Variants in MYO7B observed in about 807,000 individuals in gnomAD.
MYO7B encodes unconventional myosin-VIIb.
Under a neutral mutation model 259.7 loss-of-function variants are expected in MYO7B, and 212 were observed. The ratio of observed to expected loss-of-function variants is 0.82; its 90% confidence interval spans 0.73 to 0.91. The LOEUF (loss-of-function observed/expected upper bound fraction) is 0.91, where lower values mean the gene tolerates loss of function less well. MYO7B is among the 40% of genes least tolerant of loss of function. The probability of loss-of-function intolerance (pLI) is 0.00; values close to 1 mark genes in which losing one functional copy is unlikely to be tolerated. For missense variants in MYO7B, 2,732 were observed against 2,813.5 expected, an observed-to-expected ratio of 0.97 and a Z score of 0.66; for synonymous variants, 1,197 against 1,166.4, an observed-to-expected ratio of 1.03 and a Z score of -0.54.
At chr2:127,632,003 C>T (rs11904341) in intron 38 of MYO7B, among the ~76,000 whole-genome samples, 34,467 of 152,242 alleles carry the variant, frequency 0.23, 4,985 homozygotes, top group African/African-American at 0.41. Flanking sequence ...CATGACCTCT[C>T]TGAGCTTCAG....
At chr2:127,592,458 G>T (rs1425997229) in intron 16 of MYO7B, among the ~76,000 whole-genome samples, 1 of 152,188 alleles carries the variant, frequency 6.6e-6, no homozygotes, top group South Asian at 2.1e-4. Flanking sequence ...CTGGGCATGT[G>T]CAGAGGACGT....
chr2:127,605,990 C>A, intron 20 of MYO7B, 62 bp downstream of exon 20: 2 of 1,388,926 alleles, frequency 1.4e-6, no homozygotes, highest in Non-Finnish European at 2.0e-6. Flanking sequence ...CAGTAAAAGA[C>A]AGATTTGTAA....
At chr2:127,593,052 G>T in intron 17 of MYO7B, 106 bp downstream of exon 17, 2 of 1,410,462 alleles carry the variant, frequency 1.4e-6, no homozygotes, top group Non-Finnish European at 9.6e-7. Context: ...GCCCTCCCCG[G>T]CCCCAGCCTT....
chr2:127,622,865 G>A (rs1680907386), intron 28 of MYO7B, among the ~76,000 whole-genome samples: 1 of 152,206 alleles, frequency 6.6e-6, no homozygotes, highest in Admixed American at 6.5e-5. Context: ...CTTCTGTGAG[G>A]TGAAGTCACT....
chr2:127,581,873 C>T lies in MYO7B; in HGVS notation c.1081-18C>T, dbSNP rs1207549784. ...CCCTGCTCCACAGGTGCGACGCAGC[C>T]CCCACCTGCCTCCCCAGGTGCAGCA... On this transcript the variant is annotated intron_variant, in intron 10 of 47. Coordinates refer to ENST00000409816, the MANE Select transcript of MYO7B (RefSeq NM_001393586.1). The T allele has an allele frequency of 6.2e-6, 10 of 1,613,140 alleles. No individual in the cohort carries two copies. Among genetic ancestry groups the T allele is most frequent in the African/African-American group, 1.3e-5 (1 of 74,926 alleles).
chr2:127,580,223 C>T (rs536833691), intron 9 of MYO7B, among the ~76,000 whole-genome samples: 2 of 152,272 alleles, frequency 1.3e-5, no homozygotes, highest in South Asian at 2.1e-4. Flanking sequence ...CAGCCTGGCA[C>T]GTCCTAAGCT....
rs149285079 is a variant in MYO7B, at chr2:127,553,055, C to T, written c.-23-6645C>T. Among the ~76,000 whole-genome samples the T allele has an allele frequency of 1.4e-3, 214 of 152,316 alleles. 3 individuals carry two copies. The South Asian group carries it at 0.016, about 11-fold the overall frequency. On this transcript the variant is annotated intron_variant, in intron 1 of 47. Transcript: ENST00000409816. ...CAGCATTTCTTCTCAGAGCTTCCTC[C>T]GCCACTGTGCACCCTCACTCATCCA...
Position 127,562,940 on chromosome 2 carries a change from C to A in MYO7B, c.19-1213C>A, listed in dbSNP as rs529752305. Among the ~76,000 whole-genome samples the A allele has an allele frequency of 7.9e-5, 12 of 152,344 alleles. No homozygotes were observed. In the South Asian group the frequency reaches 2.3e-3, roughly 29 times the overall value. On this transcript the variant is annotated intron_variant, in intron 2 of 47. Coordinates refer to ENST00000409816, the MANE Select transcript of MYO7B (RefSeq NM_001393586.1). ...TCTAATTTTTTAACAAATTCTATATCATTTTGCTCACTTTTCTCCTTCCTA... is the reference window on the plus strand; with the variant it reads ...TCTAATTTTTTAACAAATTCTATATAATTTTGCTCACTTTTCTCCTTCCTA...
Position 127,584,942 on chromosome 2 carries a change from T to C in MYO7B, c.1690+29T>C, listed in dbSNP as rs1055027622. On this transcript the variant is annotated intron_variant, in intron 14 of 47. Transcript: ENST00000409816. The surrounding 1 kb of genome is among the most constrained non-coding windows in gnomAD (Gnocchi z 5.8). The stretch of plus-strand genomic sequence containing the variant: ...GGTGCAGCTCTCCTCTCATGTCCCT[T>C]CCAAATCTGGACCGGGTTCCAGGGA... 2 of 1,611,310 alleles carry C rather than the reference T, an allele frequency of 1.2e-6. No homozygotes were observed. The highest frequency in any genetic ancestry group is 2.7e-5 in the African/African-American group (2 of 74,848).
rs191608398 is a variant in MYO7B, at chr2:127,593,381, C to T, written c.2146-165C>T. 2.6e-4 allele frequency among the ~76,000 whole-genome samples: 40 copies of T among 152,294 alleles called. 1 individual carries two copies. The East Asian group carries it at 7.6e-3, about 29-fold the overall frequency. On this transcript the variant is annotated intron_variant, in intron 17 of 47. Transcript: ENST00000409816. Reference sequence around the variant, plus strand: ...CCCCGGGCCCCGAGTTCCCTCCTCACCCCAACCCCTATTCGAGGTTCCCGT... The same window carrying T: ...CCCCGGGCCCCGAGTTCCCTCCTCATCCCAACCCCTATTCGAGGTTCCCGT...
Position 127,608,743 on chromosome 2 carries a change from C to T in MYO7B, c.2679C>T (p.Ser893=), listed in dbSNP as rs1303649708. The T allele has an allele frequency of 6.2e-7, 1 of 1,613,120 alleles. No homozygotes were observed. The highest frequency in any genetic ancestry group is 8.5e-7 in the Non-Finnish European group (1 of 1,179,670). The change falls in exon 22 of 48, where the codon AGC becomes AGT. Residue 893 remains serine (S), a synonymous_variant. Transcript: ENST00000409816. The part of the protein sequence containing the change: ...PLVIPAEGQK[S]QGALPAKKRR... Reference sequence around the variant, plus strand: ...TCATCCCGGCCGAGGGGCAGAAAAGCCAAGGCGCTCTCCCTGCCAAGAAGC... The same window carrying T: ...TCATCCCGGCCGAGGGGCAGAAAAGTCAAGGCGCTCTCCCTGCCAAGAAGC...
intron 47 of MYO7B, 22 bp from the exon 48 acceptor site, chr2:127,637,294 G>GA (rs1278139717): frequency 2.0e-6 from 3 of 1,483,658 alleles, no homozygotes; most frequent in Admixed American, 4.2e-5. Context: ...CACAGCCTCT[G>GA]ACCCCCCCGT....
chr2:127,550,444 T>C (rs897214537), intron 1 of MYO7B, among the ~76,000 whole-genome samples: 1 of 151,846 alleles, frequency 6.6e-6, no homozygotes, highest in African/African-American at 2.4e-5. Context: ...AGCATGCCCA[T>C]AGTCACAGCT....
In MYO7B at chr2:127,539,149, TTGCC is replaced by T. The variant is rs1478381344; in HGVS notation, c.-24+3324_-24+3327del. 2.0e-5 allele frequency among the ~76,000 whole-genome samples: 3 copies of T among 152,204 alleles called. No homozygotes were observed. The highest frequency in any genetic ancestry group is 7.2e-5 in the African/African-American group (3 of 41,462). ...TATCTGTCAATTTCTCTTTCATCCC[TTGCC>T]TGCCTTATTCAAATACTAAACAAAA... On this transcript the variant is annotated intron_variant, in intron 1 of 47. Transcript: ENST00000409816. The surrounding 1 kb of genome is among the most constrained non-coding windows in gnomAD (Gnocchi z 4.0).
Position 127,585,231 on chromosome 2 carries a change from A to C in MYO7B, c.1690+318A>C, listed in dbSNP as rs893536064. ...AACTTTTTCGCCACCCCTAAAAGAA[A>C]CCCCTCATGAGCAACCACTCCCATT... is the stretch of plus-strand genomic sequence containing the variant. On this transcript the variant is annotated intron_variant, in intron 14 of 47. Transcript: ENST00000409816. This position sits in a 1 kb window ranked among gnomAD's most constrained non-coding sequence, Gnocchi z 4.3. Among the ~76,000 whole-genome samples the C allele has an allele frequency of 2.0e-5, 3 of 151,992 alleles. No homozygotes were observed. Among genetic ancestry groups the C allele is most frequent in the African/African-American group, 7.3e-5 (3 of 41,346 alleles).
At chr2:127,631,097 G>C (rs937927144) in intron 36 of MYO7B, 109 bp from the exon 37 acceptor site, 13 of 1,427,338 alleles carry the variant, frequency 9.1e-6, no homozygotes, top group Middle Eastern at 3.7e-4. Flanking sequence ...CTTGCGGCAG[G>C]GTGGGGTGCT....
Position 127,590,032 on chromosome 2 carries a change from G to A in MYO7B, c.1855-60G>A. 5.8e-6 allele frequency: 9 copies of A among 1,538,486 alleles called. No individual in the cohort carries two copies. Among genetic ancestry groups the A allele is most frequent in the Non-Finnish European group, 7.9e-6 (9 of 1,137,086 alleles). The stretch of plus-strand genomic sequence containing the variant: ...GCCGCAACCCTTGCTGGCCTACAGG[G>A]TCAGCTGTCCCAGGACATGGCTCCT... On this transcript the variant is annotated intron_variant, in intron 15 of 47. Transcript: ENST00000409816. The surrounding 1 kb of genome is among the most constrained non-coding windows in gnomAD (Gnocchi z 4.6).
chr2:127,608,702 A>T lies in MYO7B; in HGVS notation c.2644-6A>T, dbSNP rs778767806. 1.2e-6 allele frequency: 2 copies of T among 1,609,450 alleles called. No homozygotes were observed. The highest frequency in any genetic ancestry group is 2.2e-5 in the South Asian group (2 of 90,830). The stretch of plus-strand genomic sequence containing the variant: ...CCTGGGTAACCTTCCTCCACGGGGT[A>T]TGCAGGCGCCGCTGGTCATCCCGGC... On this transcript the variant is annotated splice_polypyrimidine_tract_variant and splice_region_variant and intron_variant, in intron 21 of 47. Coordinates refer to ENST00000409816, the MANE Select transcript of MYO7B (RefSeq NM_001393586.1).
At chr2:127,560,799 G>C (rs1326546772) in intron 2 of MYO7B, among the ~76,000 whole-genome samples, 3 of 152,166 alleles carry the variant, frequency 2.0e-5, no homozygotes, top group Non-Finnish European at 2.9e-5. Flanking sequence ...TTCTCCTCCT[G>C]AGTGCAAAGC....
Sources: gnomAD v4.1 joint callset for allele counts (sites outside exome capture counted in the v4.1 genomes callset) on GRCh38, gnomAD v4.1.1 for gene constraint, Gnocchi (gnomAD v3.1) non-coding constraint, MANE v1.5 for transcripts, NCBI Gene and HGNC (gene_info 2026-07-23, HGNC 2026-07-21) for gene names.